Variants in SAE1 observed in about 807,000 individuals in gnomAD.
The protein encoded by SAE1 is SUMO1 activating enzyme subunit 1.
SAE1 carries 11 observed loss-of-function variants against 40.6 expected under a neutral mutation model. The ratio of observed to expected loss-of-function variants is 0.27; its 90% CI spans 0.17 to 0.45. The LOEUF (loss-of-function observed/expected upper bound fraction) is 0.45, where lower values mean the gene tolerates loss of function less well. Among genes scored for constraint, SAE1 ranks in the 20% least tolerant of loss-of-function variants. SAE1 has a pLI of 1.00. For missense variants in SAE1, 373 were observed against 427.3 expected, an observed-to-expected ratio of 0.87 and a Z score of 1.12; for synonymous variants, 155 against 154.3, an observed-to-expected ratio of 1.00 and a Z score of -0.03.
intron 6 of SAE1, among the ~76,000 whole-genome samples, chr19:47,173,727 A>G (rs1261453481): frequency 1.3e-5 from 2 of 152,010 alleles, no homozygotes; most frequent in African/African-American, 4.8e-5. Flanking sequence ...TCCCCAGTTG[A>G]GAACCACTGG....
chr19:47,131,746 G>A (rs1188024365), intron 1 of SAE1, among the ~76,000 whole-genome samples: 1 of 145,864 alleles, frequency 6.9e-6, no homozygotes, highest in Non-Finnish European at 1.5e-5. Flanking sequence ...TGTCGCCCAG[G>A]CTGGAGGGCA....
At chr19:47,163,825 G>C (rs1042356386) in intron 5 of SAE1, among the ~76,000 whole-genome samples, 2 of 152,144 alleles carry the variant, frequency 1.3e-5, no homozygotes, top group Non-Finnish European at 2.9e-5. Context: ...TTGCTTTATT[G>C]CCCAGGCTGG....
Position 47,169,824 on chromosome 19 carries a change from G to C in SAE1, c.634G>C (p.Val212Leu), listed in dbSNP as rs200629823. Reference protein sequence around the residue: ...SETTMVKKKVVFCPVKEALEV... With the variant: ...SETTMVKKKVLFCPVKEALEV... ...TTCTGCCTTTTTTCCACAGAAGGTGGTCTTCTGCCCTGTTAAAGAAGCCCT... is the reference window on the plus strand; with the variant it reads ...TTCTGCCTTTTTTCCACAGAAGGTGCTCTTCTGCCCTGTTAAAGAAGCCCT... The change falls in exon 6 of 9, where the codon GTC (valine) becomes CTC (leucine). Residue 212 changes from valine (V) to leucine (L), a missense_variant. Physicochemically the swap from Val to Leu is conservative, Grantham distance 32 (BLOSUM62 1). This residue lies in a region of SAE1 where 351 missense variants were observed against 390.6 expected (regional missense o/e 0.90). Coordinates refer to ENST00000270225, the MANE Select transcript of SAE1 (RefSeq NM_005500.3). The C allele has an allele frequency of 6.2e-7, 1 of 1,612,380 alleles. No individual in the cohort carries two copies. Among genetic ancestry groups the C allele is most frequent in the Non-Finnish European group, 8.5e-7 (1 of 1,178,562 alleles).
chr19:47,199,010 C>G (rs1472189964), intron 7 of SAE1, among the ~76,000 whole-genome samples: 3 of 152,070 alleles, frequency 2.0e-5, no homozygotes, highest in Non-Finnish European at 1.5e-5. Context: ...ATCGCTTGAG[C>G]CCAGGAAAGC....
Position 47,202,570 on chromosome 19 carries a change from G to T in SAE1, c.879-1101G>T, listed in dbSNP as rs150137038. ...CAAAGTGCTGGGATTACAGGCATCA[G>T]CCACTGAGCCCGCCCTAATTATACC... On this transcript the variant is annotated intron_variant, in intron 7 of 8. Coordinates refer to ENST00000270225, the MANE Select transcript of SAE1 (RefSeq NM_005500.3). Among the ~76,000 whole-genome samples the T allele has an allele frequency of 1.8e-3, 269 of 151,746 alleles. 1 individual carries two copies. Among genetic ancestry groups the T allele is most frequent in the African/African-American group, 6.2e-3 (256 of 41,434 alleles).
intron 8 of SAE1, 87 bp downstream of exon 8, chr19:47,203,827 G>C: frequency 8.4e-7 from 1 of 1,187,432 alleles, no homozygotes; most frequent in Non-Finnish European, 1.3e-6. Flanking sequence ...TTAGACAGCT[G>C]CCTGCTTTCT....
At position 47,209,395 on chromosome 19, in the gene SAE1, G is replaced by A. The variant is rs555983920; in HGVS notation, c.*144G>A. ...AAACATTTCCTGCAACGAAGGAGGT[G>A]GTGCCGACGTGCTGCTTCCCATCAC... On this transcript the variant is annotated 3_prime_UTR_variant, in exon 9 of 9. Coordinates refer to ENST00000270225, the MANE Select transcript of SAE1 (RefSeq NM_005500.3). 3.7e-5 allele frequency: 52 copies of A among 1,417,658 alleles called. No individual in the cohort carries two copies. The African/African-American group carries it at 6.8e-4, about 19-fold the overall frequency. 87.8% of individuals were successfully genotyped at this position (1,417,658 alleles called of 1,614,324 possible).
chr19:47,156,609 C>A (rs1247750003), intron 5 of SAE1, among the ~76,000 whole-genome samples: 3 of 151,408 alleles, frequency 2.0e-5, no homozygotes, highest in Non-Finnish European at 4.4e-5. Flanking sequence ...ACCTCCACGT[C>A]CCAGGTTCAA....
At chr19:47,137,343 A>T (rs1053787687) in intron 1 of SAE1, among the ~76,000 whole-genome samples, 6 of 152,150 alleles carry the variant, frequency 3.9e-5, no homozygotes, top group Non-Finnish European at 8.8e-5. Flanking sequence ...AGCCAAGGTC[A>T]CACTATCGCA....
At chr19:47,204,000 C>T (rs1170976383) in intron 8 of SAE1, among the ~76,000 whole-genome samples, 1 of 152,016 alleles carries the variant, frequency 6.6e-6, no homozygotes, top group Admixed American at 6.6e-5. Flanking sequence ...TCTCCCCTAA[C>T]TGTATTAGTT....
In SAE1 at chr19:47,197,336, A is replaced by G. The variant is rs775633112; in HGVS notation, c.837A>G (p.Ser279=). Residue 279 remains serine (S), a synonymous_variant, in exon 7 of 9, where the codon TCA becomes TCG. Coordinates refer to ENST00000270225, the MANE Select transcript of SAE1 (RefSeq NM_005500.3). ...LLQIRNDVLD[S]LGISPDLLPE... is the part of the protein sequence containing the mutation. Reference sequence around the variant, plus strand: ...AGATACGAAATGATGTGCTTGACTCACTGGGTATTAGTCCTGACCTGCTTC... The same window carrying G: ...AGATACGAAATGATGTGCTTGACTCGCTGGGTATTAGTCCTGACCTGCTTC... 6.2e-7 allele frequency: 1 copy of G among 1,613,958 alleles called. No homozygotes were observed. Among genetic ancestry groups the G allele is most frequent in the Non-Finnish European group, 8.5e-7 (1 of 1,179,960 alleles).
intron 6 of SAE1, among the ~76,000 whole-genome samples, chr19:47,178,809 C>G (rs2058486289): frequency 1.3e-5 from 2 of 152,130 alleles, no homozygotes; most frequent in South Asian, 4.1e-4. Context: ...CACTGTATTT[C>G]AAATTACATT....
intron 2 of SAE1, among the ~76,000 whole-genome samples, chr19:47,147,500 C>T (rs545195669): frequency 9.2e-5 from 14 of 151,424 alleles, no homozygotes; most frequent in African/African-American, 1.5e-4. Context: ...TCGCCCAGGC[C>T]GGAGTGCAGT....
intron 3 of SAE1, among the ~76,000 whole-genome samples, chr19:47,150,737 G>C (rs559193205): frequency 5.3e-5 from 8 of 152,280 alleles, no homozygotes; most frequent in Admixed American, 2.0e-4. Flanking sequence ...AACTTAACAA[G>C]TTGGTGATTA....
At chr19:47,131,697 CTT>C (rs554165710) in intron 1 of SAE1, among the ~76,000 whole-genome samples, 54 of 84,132 alleles carry the variant, frequency 6.4e-4, no homozygotes, top group African/African-American at 2.3e-3. Flanking sequence ...TTAGGGAATT[CTT>C]TTTTTTTTTT....
At chr19:47,162,445 C>G (rs2058364402) in intron 5 of SAE1, among the ~76,000 whole-genome samples, 1 of 152,154 alleles carries the variant, frequency 6.6e-6, no homozygotes, top group Non-Finnish European at 1.5e-5. Context: ...AATTTATATT[C>G]TAGAACCAAC....
intron 6 of SAE1, among the ~76,000 whole-genome samples, chr19:47,182,206 G>C (rs957904662): frequency 1.3e-5 from 2 of 152,116 alleles, no homozygotes; most frequent in African/African-American, 4.8e-5. Flanking sequence ...TGGATTTGGT[G>C]ATTAGTTCTC....
In SAE1 at chr19:47,154,480, C is replaced by CTTTTTTT. The variant is rs57870733; in HGVS notation, c.528-610_528-604dup. On this transcript the variant is annotated intron_variant, in intron 4 of 8. Coordinates refer to ENST00000270225, the MANE Select transcript of SAE1 (RefSeq NM_005500.3). ...AGCAGAGGGGCAGAATTAAGTTTGG[C>CTTTTTTT]TTTTTTTTTTTTTTTTTTTTTTTTT... 2.1e-4 allele frequency among the ~76,000 whole-genome samples: 11 copies of CTTTTTTT among 51,606 alleles called. 1 individual carries two copies. The highest frequency in any genetic ancestry group is 2.6e-4 in the Non-Finnish European group (8 of 30,310). The allele number at this position is 51,606 out of a possible 152,430, so 33.9% of individuals were successfully genotyped here.
rs146641407 is a variant in SAE1 at position 47,172,961 on chromosome 19, T to A, written c.733+3038T>A. On this transcript the variant is annotated intron_variant, in intron 6 of 8. Transcript: ENST00000270225. ...GGAATTTAAAGTCAGTGGCTCAAGATCACCCATCTAAAACAAAATGGCAGT... is the reference window on the plus strand; with the variant it reads ...GGAATTTAAAGTCAGTGGCTCAAGAACACCCATCTAAAACAAAATGGCAGT... 4.0e-3 allele frequency among the ~76,000 whole-genome samples: 603 copies of A among 152,194 alleles called. 2 individuals are homozygous for A. The highest frequency in any genetic ancestry group is 6.7e-3 in the Non-Finnish European group (454 of 67,998).
Sources: allele counts gnomAD v4.1 joint callset (sites outside exome capture counted in the v4.1 genomes callset), GRCh38; gene constraint gnomAD v4.1.1; regional missense constraint gnomAD v4.1.1; transcripts MANE v1.5; gene names NCBI Gene and HGNC (gene_info 2026-07-23, HGNC 2026-07-21).